LIMS2: variants seen among roughly 807,000 people sequenced by gnomAD.
The protein encoded by LIMS2 is LIM zinc finger domain containing 2.
In LIMS2, 30 loss-of-function variants were observed where a neutral mutation model predicts 45.3. The ratio of observed to expected loss-of-function variants is 0.66; its 90% CI spans 0.50 to 0.90. The LOEUF is 0.90. LIMS2 is among the 40% of genes least tolerant of loss of function. LIMS2 has a pLI of 0.00. For synonymous variants in LIMS2, 173 were observed against 188.0 expected, an observed-to-expected ratio of 0.92 and a Z score of 0.65; for missense variants, 485 against 468.7, an observed-to-expected ratio of 1.03 and a Z score of -0.32.
chr2:127,662,320 C>G (rs1433757381), intron 1 of LIMS2, among the ~76,000 whole-genome samples: 4 of 152,108 alleles, frequency 2.6e-5, no homozygotes, highest in African/African-American at 9.7e-5. Flanking sequence ...TCACTGAGCA[C>G]CTGCACTGAT....
At chr2:127,655,029 A>T in intron 2 of LIMS2, 133 bp from the exon 3 acceptor site, 1 of 834,652 alleles carries the variant, frequency 1.2e-6, no homozygotes. Flanking sequence ...CTGAGGCTGG[A>T]GCAGTGGGTC....
chr2:127,638,754 C>T lies in LIMS2; in HGVS notation c.*527G>A. Reference sequence around the variant, plus strand: ...CTGGCTCAGTGTGGGCACAAGGACACTGTGCCACTGGTTGAGTGAGTGGTG... The same window carrying T: ...CTGGCTCAGTGTGGGCACAAGGACATTGTGCCACTGGTTGAGTGAGTGGTG... On this transcript the variant is annotated 3_prime_UTR_variant, in exon 10 of 10. Coordinates refer to ENST00000355119, the MANE Select transcript of LIMS2 (RefSeq NM_001161403.3). The T allele has an allele frequency of 6.4e-6, 1 of 156,720 alleles. No homozygotes were observed. The highest frequency in any genetic ancestry group is 1.4e-5 in the Non-Finnish European group (1 of 70,612). 9.7% of individuals were successfully genotyped at this position (156,720 alleles called of 1,614,324 possible).
At chr2:127,665,889 G>A (rs561979482) in intron 1 of LIMS2, among the ~76,000 whole-genome samples, 4 of 152,330 alleles carry the variant, frequency 2.6e-5, no homozygotes, top group Admixed American at 6.5e-5. Context: ...ACAGCCACAA[G>A]TGTTTTGTGC....
chr2:127,654,283 G>A (rs1490491943), intron 4 of LIMS2, 141 bp downstream of exon 4: 40 of 1,164,130 alleles, frequency 3.4e-5, no homozygotes, highest in Non-Finnish European at 4.8e-5. Flanking sequence ...GTGACCTGGA[G>A]GGAGGGCAGC....
intron 4 of LIMS2, chr2:127,648,110 C>T (rs1198150285): frequency 1.3e-4 from 125 of 985,428 alleles, no homozygotes; most frequent in Non-Finnish European, 1.4e-4. Context: ...CCAGCCGAGA[C>T]CAGCCAGACC....
rs1292519420 is a variant in LIMS2 at position 127,660,881 on chromosome 2, G to A, written c.12-3319C>T. Among the ~76,000 whole-genome samples, 10 of 149,354 alleles carry A rather than the reference G, an allele frequency of 6.7e-5. No individual in the cohort carries two copies. The East Asian group carries it at 8.0e-4, about 12-fold the overall frequency. ...CCTGAATGCATCCAGGGAGATCATT[G>A]CTGCCTGTGGCCGACAGTATCGCAC... is the stretch of plus-strand genomic sequence containing the variant. On this transcript the variant is annotated intron_variant, in intron 1 of 9. Transcript: ENST00000355119.
intron 1 of LIMS2, chr2:127,674,505 G>T: frequency 1.9e-6 from 1 of 522,058 alleles, no homozygotes; most frequent in Non-Finnish European, 2.5e-6. Context: ...CCCCTGCACA[G>T]CTGGTGCTTG....
At chr2:127,655,875 GCCA>G (rs1684219742) in intron 2 of LIMS2, 2 of 152,406 alleles carry the variant, frequency 1.3e-5, no homozygotes, top group African/African-American at 4.8e-5. Flanking sequence ...GGCCACCACC[GCCA>G]CCACAAGCAC....
At chr2:127,657,650 C>T in intron 1 of LIMS2, 88 bp from the exon 2 acceptor site, 4 of 1,362,092 alleles carry the variant, frequency 2.9e-6, no homozygotes, top group Non-Finnish European at 4.0e-6. Flanking sequence ...ACAGACACAC[C>T]TCGTATTAAA....
chr2:127,674,835 G>A (rs918427357), intron 1 of LIMS2, 179 bp downstream of exon 1: 5 of 985,194 alleles, frequency 5.1e-6, no homozygotes, highest in Non-Finnish European at 4.8e-6. Context: ...GAAGAGGCGC[G>A]GGGGCTGGGG....
intron 1 of LIMS2, among the ~76,000 whole-genome samples, chr2:127,669,576 G>A (rs1450098567): frequency 6.6e-6 from 1 of 152,042 alleles, no homozygotes; most frequent in Non-Finnish European, 1.5e-5. Context: ...AAAATAGCCA[G>A]GCATGGTGGC....
At chr2:127,657,670 C>T (rs548974817) in intron 1 of LIMS2, 108 bp from the exon 2 acceptor site, 20 of 1,212,364 alleles carry the variant, frequency 1.6e-5, no homozygotes, top group East Asian at 9.6e-5. Context: ...AAAGTGAAGA[C>T]GCTCTGCAGG....
chr2:127,642,030 G>C lies in LIMS2; in HGVS notation c.660+19C>G, dbSNP rs1245787733. 9.9e-6 allele frequency: 16 copies of C among 1,608,872 alleles called. No individual in the cohort carries two copies. The highest frequency in any genetic ancestry group is 1.3e-5 in the Non-Finnish European group (15 of 1,178,022). On this transcript the variant is annotated intron_variant, in intron 6 of 9. Coordinates refer to ENST00000355119, the MANE Select transcript of LIMS2 (RefSeq NM_001161403.3). The surrounding 1 kb of genome is among the most constrained non-coding windows in gnomAD (Gnocchi z 5.3). ...GGCACCCCCCAACCTGAGGCCACGT[G>C]TCCACCAGCCTGGCTCACCTCCACG...
intron 4 of LIMS2, chr2:127,651,692 C>G (rs1182082330): frequency 1.9e-6 from 3 of 1,613,098 alleles, no homozygotes; most frequent in Non-Finnish European, 1.7e-6. Flanking sequence ...GGCTCAAGGG[C>G]CCGCCCCCCA....
chr2:127,673,372 C>T (rs1685357673), intron 1 of LIMS2, among the ~76,000 whole-genome samples: 1 of 152,226 alleles, frequency 6.6e-6, no homozygotes, highest in African/African-American at 2.4e-5. Flanking sequence ...ACGCCCTACA[C>T]AGTGCCTGCC....
intron 4 of LIMS2, among the ~76,000 whole-genome samples, chr2:127,649,183 G>GAAGGAAGGAAGGAAGGAAA (rs1558878448): frequency 0.034 from 2,125 of 63,224 alleles, 21 homozygotes; most frequent in Middle Eastern, 0.1. Context: ...AAGGAAGGAA[G>GAAGGAAGGAAGGAAGGAAA]GAAGGAAGGA....
At chr2:127,663,871 C>A (rs748131082) in intron 1 of LIMS2, among the ~76,000 whole-genome samples, 3 of 152,236 alleles carry the variant, frequency 2.0e-5, no homozygotes, top group Non-Finnish European at 4.4e-5. Context: ...CCAACTCATT[C>A]TCTGAGATGC....
chr2:127,674,875 C>G, intron 1 of LIMS2, 139 bp downstream of exon 1: 2 of 1,212,818 alleles, frequency 1.6e-6, no homozygotes, highest in Non-Finnish European at 2.1e-6. Context: ...GCTGCCGCCC[C>G]GGCAGCTGCG....
Position 127,642,441 on chromosome 2 carries a change from G to A in LIMS2, c.510-242C>T, listed in dbSNP as rs575967869. ...CTGTGTTCTGCACCCAGGCCTCTGAGAAGCAGGTCTGTTCTTGGGCCCCCC... is the reference window on the plus strand; with the variant it reads ...CTGTGTTCTGCACCCAGGCCTCTGAAAAGCAGGTCTGTTCTTGGGCCCCCC... On this transcript the variant is annotated intron_variant, in intron 5 of 9. Transcript: ENST00000355119. This position sits in a 1 kb window ranked among gnomAD's most constrained non-coding sequence, Gnocchi z 5.3. 7 of 428,632 alleles carry A rather than the reference G, an allele frequency of 1.6e-5. No homozygotes were observed. The South Asian group carries it at 1.7e-4, about 10-fold the overall frequency. The allele number at this position is 428,632 out of a possible 1,614,324, so 26.6% of individuals were successfully genotyped here.
Sources: gnomAD v4.1 joint callset for allele counts (sites outside exome capture counted in the v4.1 genomes callset) on GRCh38, gnomAD v4.1.1 for gene constraint, Gnocchi (gnomAD v3.1) non-coding constraint, MANE v1.5 for transcripts, NCBI Gene and HGNC (gene_info 2026-07-23, HGNC 2026-07-21) for gene names.